SLC26A5: variants seen among roughly 807,000 people sequenced by gnomAD.
The protein encoded by SLC26A5 is prestin.
Under a neutral mutation model 81.0 loss-of-function variants are expected in SLC26A5, and 51 were observed. That is an observed-to-expected ratio of 0.63 (90% CI 0.50 to 0.80). The LOEUF (loss-of-function observed/expected upper bound fraction) is 0.80, where lower values mean the gene tolerates loss of function less well. Among genes scored for constraint, SLC26A5 ranks in the 30% least tolerant of loss-of-function variants. The probability of loss-of-function intolerance (pLI) is 0.00; values close to 1 mark genes in which losing one functional copy is unlikely to be tolerated. For missense variants in SLC26A5, 771 were observed against 905.8 expected (o/e 0.85, Z 1.91); for synonymous variants, 325 against 332.8 (o/e 0.98, Z 0.25).
At chr7:103,377,251 A>T (rs867724700) in intron 18 of SLC26A5, among the ~76,000 whole-genome samples, 5 of 152,198 alleles carry the variant, frequency 3.3e-5, no homozygotes, top group African/African-American at 1.2e-4. Flanking sequence ...GTAGCCTAGC[A>T]TATTACAGTA....
chr7:103,396,335 A>G (rs1184969173), intron 9 of SLC26A5, among the ~76,000 whole-genome samples: 1 of 152,186 alleles, frequency 6.6e-6, no homozygotes, highest in African/African-American at 2.4e-5. Context: ...ATATACCCAA[A>G]AGAACTGAAA....
At position 103,381,238 on chromosome 7, in the gene SLC26A5, G is replaced by A. The variant is rs558513511; in HGVS notation, c.1515-689C>T. 1.0e-3 allele frequency among the ~76,000 whole-genome samples: 154 copies of A among 147,414 alleles called. 1 individual carries two copies. The highest frequency in any genetic ancestry group is 1.2e-3 in the Non-Finnish European group (81 of 66,714). ...CATATACACACTCCCACACACATAC[G>A]CAATACACACACATACAATGTATAC... On this transcript the variant is annotated intron_variant, in intron 14 of 19. Transcript: ENST00000306312.
At chr7:103,358,721 C>A (rs1820184797) in intron 19 of SLC26A5, among the ~76,000 whole-genome samples, 1 of 151,868 alleles carries the variant, frequency 6.6e-6, no homozygotes. Context: ...GTTCTTATCT[C>A]TCTATGGTAA....
In SLC26A5 at chr7:103,420,766, T is replaced by G; in HGVS notation, c.264A>C (p.Ile88=). 6.2e-7 allele frequency: 1 copy of G among 1,614,162 alleles called. No homozygotes were observed. Among genetic ancestry groups the G allele is most frequent in the Non-Finnish European group, 8.5e-7 (1 of 1,180,008 alleles). The change falls in exon 4 of 20, where the codon ATA becomes ATC. Residue 88 remains isoleucine (I), a synonymous_variant. Transcript: ENST00000306312. ...GAGGAAGCTGAAGCACCCCTGTGCT[T>G]ATGCCTGAGACCAAGTCACCCAACA... is the stretch of plus-strand genomic sequence containing the variant. ...EYVLGDLVSG[I]STGVLQLPQG... is the part of the protein sequence containing the mutation.
chr7:103,360,833 C>T (rs527826719), intron 19 of SLC26A5, among the ~76,000 whole-genome samples: 1 of 152,222 alleles, frequency 6.6e-6, no homozygotes, highest in African/African-American at 2.4e-5. Flanking sequence ...TTCTACTGGC[C>T]GGGTGCAATG....
downstream of SLC26A5, among the ~76,000 whole-genome samples, chr7:103,371,844 C>T (rs530895967): frequency 4.3e-4 from 65 of 151,850 alleles, no homozygotes; most frequent in East Asian, 1.6e-3. Flanking sequence ...TACAGGTGCG[C>T]GCCACCATGC....
intron 19 of SLC26A5, among the ~76,000 whole-genome samples, chr7:103,356,555 T>G (rs1299613705): frequency 6.6e-6 from 1 of 152,254 alleles, no homozygotes; most frequent in Non-Finnish European, 1.5e-5. Flanking sequence ...TTTTAATTTG[T>G]ACTGTGTTGA....
At chr7:103,396,809 G>T (rs1489001710) in intron 9 of SLC26A5, among the ~76,000 whole-genome samples, 2 of 152,160 alleles carry the variant, frequency 1.3e-5, no homozygotes, top group Non-Finnish European at 2.9e-5. Flanking sequence ...AAATGATTAA[G>T]ATTTGCTGGG....
At chr7:103,432,307 A>G (rs889600898) in intron 2 of SLC26A5, among the ~76,000 whole-genome samples, 2 of 152,178 alleles carry the variant, frequency 1.3e-5, no homozygotes, top group African/African-American at 4.8e-5. Flanking sequence ...ACCAATATAT[A>G]CTGATTTATT....
Position 103,421,551 on chromosome 7 carries a change from G to A in SLC26A5, c.-37C>T. 1.2e-6 allele frequency: 2 copies of A among 1,610,210 alleles called. No homozygotes were observed. Among genetic ancestry groups the A allele is most frequent in the Non-Finnish European group, 1.7e-6 (2 of 1,177,338 alleles). On this transcript the variant is annotated 5_prime_UTR_variant, in exon 3 of 20. Transcript: ENST00000306312. Reference sequence around the variant, plus strand: ...ATTATTCCTTAACAGCCGGAGACAAGCATTTCCTGAGTGTCACTAGGGGAA... The same window carrying A: ...ATTATTCCTTAACAGCCGGAGACAAACATTTCCTGAGTGTCACTAGGGGAA...
At chr7:103,427,306 A>T (rs1017838536) in intron 2 of SLC26A5, among the ~76,000 whole-genome samples, 5 of 151,776 alleles carry the variant, frequency 3.3e-5, no homozygotes, top group Non-Finnish European at 5.9e-5. Context: ...CAAACTCTTG[A>T]CCCTCAGGTG....
chr7:103,380,918 TAC>T (rs1269884724), intron 14 of SLC26A5, among the ~76,000 whole-genome samples: 2 of 147,768 alleles, frequency 1.4e-5, no homozygotes, highest in South Asian at 2.2e-4. Context: ...ACATACAGAA[TAC>T]ACACACATTA....
chr7:103,437,981 C>T (rs998319426), intron 2 of SLC26A5, among the ~76,000 whole-genome samples: 2 of 152,042 alleles, frequency 1.3e-5, no homozygotes, highest in African/African-American at 4.8e-5. Flanking sequence ...GTTCTCCTTC[C>T]AAACTCATGT....
intron 19 of SLC26A5, among the ~76,000 whole-genome samples, chr7:103,356,578 T>A (rs978426037): frequency 6.6e-6 from 1 of 152,230 alleles, no homozygotes; most frequent in Non-Finnish European, 1.5e-5. Flanking sequence ...ACTAGTATGA[T>A]AGCTACTTCT....
At chr7:103,417,337 T>C in intron 4 of SLC26A5, among the ~76,000 whole-genome samples, 1 of 136,638 alleles carries the variant, frequency 7.3e-6, no homozygotes. Flanking sequence ...GCCACTGCAC[T>C]CCAGCTTGCC....
At chr7:103,377,987 T>C (rs1474835309) in intron 17 of SLC26A5, among the ~76,000 whole-genome samples, 188 bp from the exon 18 acceptor site, 1 of 152,216 alleles carries the variant, frequency 6.6e-6, no homozygotes, top group African/African-American at 2.4e-5. Flanking sequence ...TAACATTCCA[T>C]TTTAAGTCAA....
chr7:103,386,656 G>A (rs1021908440), intron 14 of SLC26A5, among the ~76,000 whole-genome samples: 4 of 151,830 alleles, frequency 2.6e-5, no homozygotes, highest in African/African-American at 9.7e-5. Flanking sequence ...TAAAATTTAT[G>A]ATAAGATACC....
chr7:103,442,818 T>C (rs958903151), intron 2 of SLC26A5, among the ~76,000 whole-genome samples: 2 of 152,216 alleles, frequency 1.3e-5, no homozygotes, highest in African/African-American at 4.8e-5. Flanking sequence ...TCTAGGGTTG[T>C]TGGCCCACCA....
chr7:103,411,090 G>C (rs1276682124), intron 6 of SLC26A5, among the ~76,000 whole-genome samples: 1 of 152,052 alleles, frequency 6.6e-6, no homozygotes, highest in Non-Finnish European at 1.5e-5. Context: ...TTGAGCTGGG[G>C]GCATGCTTCA....
Sources: gnomAD v4.1 joint callset for allele counts (sites outside exome capture counted in the v4.1 genomes callset) on GRCh38, gnomAD v4.1.1 for gene constraint, MANE v1.5 for transcripts, NCBI Gene and HGNC (gene_info 2026-07-23, HGNC 2026-07-21) for gene names.